The following ZBED4 variants were observed in gnomAD, a reference collection of about 807,000 sequenced individuals.
ZBED4 encodes the protein zinc finger BED-type containing 4, also known as zinc finger BED domain-containing protein 4.
Under a neutral mutation model 15.5 loss-of-function variants are expected in ZBED4, and 4 were observed. That is an observed-to-expected ratio of 0.26 (90% CI 0.13 to 0.59). The LOEUF (loss-of-function observed/expected upper bound fraction) is 0.59. ZBED4 is among the 20% of genes least tolerant of loss of function. ZBED4 has a pLI of 0.90. For synonymous variants in ZBED4, 692 were observed against 608.5 expected (o/e 1.14, Z -2.02); for missense variants, 1,323 against 1,461.8 (o/e 0.91, Z 1.55).
In ZBED4 at chr22:49,886,291, T is replaced by C. The variant is rs750817714; in HGVS notation, c.2629T>C (p.Tyr877His). 1.4e-5 allele frequency: 21 copies of C among 1,466,912 alleles called. No individual in the cohort carries two copies. The highest frequency in any genetic ancestry group is 2.0e-5 in the Non-Finnish European group (21 of 1,065,120). The allele number at this position is 1,466,912 out of a possible 1,614,324, so 90.9% of individuals were successfully genotyped here. Residue 877 changes from tyrosine (Y) to histidine (H), a missense_variant, in exon 2 of 2, where the codon TAC becomes CAC. By Grantham distance (83) the Tyr-to-His change is moderately conservative. Around this residue, in one of 6 missense-constraint regions of ZBED4, gnomAD observed 312 missense variants for 410.7 expected, o/e 0.76. Coordinates refer to ENST00000216268, the MANE Select transcript of ZBED4 (RefSeq NM_014838.3). This position sits in a 1 kb window ranked among gnomAD's most constrained non-coding sequence, Gnocchi z 7.7. ...KEKLAELQREYALPQHHLIQD... is the reference protein window; with the variant it reads ...KEKLAELQREHALPQHHLIQD... ...GAAACTGGCCGAGCTGCAGAGGGAG[T>C]ACGCGCTGCCTCAGCATCACCTCAT...
intron 1 of ZBED4, among the ~76,000 whole-genome samples, chr22:49,879,982 C>G (rs1432802195): frequency 6.6e-6 from 1 of 150,902 alleles, no homozygotes; most frequent in African/African-American, 2.4e-5. Context: ...GGTTTTCTCC[C>G]GCTTCATCGC....
Position 49,885,179 on chromosome 22 carries a change from C to T in ZBED4, c.1517C>T (p.Pro506Leu). ...CLMRHLYRRH[P>L]EVVGSQKGFL... Reference sequence around the variant, plus strand: ...ATGAGACATCTCTACCGGCGCCATCCAGAAGTTGTCGGGAGCCAGAAGGGC... The same window carrying T: ...ATGAGACATCTCTACCGGCGCCATCTAGAAGTTGTCGGGAGCCAGAAGGGC... The change falls in exon 2 of 2, where the codon CCA becomes CTA. Residue 506 changes from proline to leucine, a missense_variant. Coordinates refer to ENST00000216268, the MANE Select transcript of ZBED4 (RefSeq NM_014838.3). 1.2e-6 allele frequency: 2 copies of T among 1,613,612 alleles called. No individual in the cohort carries two copies. Among genetic ancestry groups the T allele is most frequent in the South Asian group, 2.2e-5 (2 of 91,040 alleles).
rs1405824432 is a variant in ZBED4 at position 49,884,863 on chromosome 22, T to C, written c.1201T>C (p.Leu401=). Reference sequence around the variant, plus strand: ...GCTGACTGAGGACTTGCAGTCTCACTTGAACCCTGGAGATGGGCTGATGGA... The same window carrying C: ...GCTGACTGAGGACTTGCAGTCTCACCTGAACCCTGGAGATGGGCTGATGGA... ...DRLTEDLQSH[L]NPGDGLMEDV... The change falls in exon 2 of 2, where the codon TTG becomes CTG. Residue 401 remains leucine, a synonymous_variant. Transcript: ENST00000216268. 1.9e-6 allele frequency: 3 copies of C among 1,608,992 alleles called. No individual in the cohort carries two copies. The highest frequency in any genetic ancestry group is 2.2e-5 in the South Asian group (2 of 90,836).
At chr22:49,874,672 C>T (rs75760531) in intron 1 of ZBED4, among the ~76,000 whole-genome samples, 8 of 37,310 alleles carry the variant, frequency 2.1e-4, no homozygotes, top group African/African-American at 5.5e-4. Context: ...CATGCCCAGC[C>T]TTTTTTTTTT....
intron 1 of ZBED4, among the ~76,000 whole-genome samples, chr22:49,873,784 G>T (rs1412629926): frequency 6.6e-6 from 1 of 152,204 alleles, no homozygotes; most frequent in Admixed American, 6.5e-5. Context: ...CCTAGAATGA[G>T]ATGTCTGTTT....
In ZBED4 at chr22:49,871,763, T is replaced by TA. The variant is rs1258641552; in HGVS notation, c.-329-11571_-329-11570insA. Among the ~76,000 whole-genome samples, 1,345 of 141,382 alleles carry TA rather than the reference T, an allele frequency of 9.5e-3. 18 individuals are homozygous for TA. The highest frequency in any genetic ancestry group is 0.07 in the South Asian group (324 of 4,612). 92.8% of individuals were successfully genotyped at this position (141,382 alleles called of 152,430 possible). On this transcript the variant is annotated intron_variant, in intron 1 of 1. Transcript: ENST00000216268. ...ACAATTTATTTATTTATTTATTTTT[T>TA]TTTTTTTTTGAGACAGAGTCTTACT...
Position 49,884,345 on chromosome 22 carries a change from C to G in ZBED4, c.683C>G (p.Ser228Cys). The G allele has an allele frequency of 6.2e-7, 1 of 1,613,438 alleles. No individual in the cohort carries two copies. Among genetic ancestry groups the G allele is most frequent in the African/African-American group, 1.3e-5 (1 of 75,028 alleles). Residue 228 changes from serine (S) to cysteine (C), a missense_variant, in exon 2 of 2, where the codon TCT becomes TGT. Coordinates refer to ENST00000216268, the MANE Select transcript of ZBED4 (RefSeq NM_014838.3). ...GATCGAATAACAGAGGAGTCTGTGT[C>G]TGTAGTTTCTTCTGAAGAAATCTCC... The part of the protein sequence containing the change: ...SPDRITEESV[S>C]VVSSEEISSD...
intron 1 of ZBED4, among the ~76,000 whole-genome samples, chr22:49,858,076 A>G (rs897368939): frequency 2.0e-5 from 3 of 151,656 alleles, no homozygotes; most frequent in Non-Finnish European, 4.4e-5. Context: ...CAGTTTTTGT[A>G]TTTTTAGTAG....
Position 49,885,272 on chromosome 22 carries a change from A to C in ZBED4, c.1610A>C (p.Lys537Thr), listed in dbSNP as rs530191361. ...TLASAESSSS[K>T]LTDLPTVVTK... ...GCCTCTGCAGAAAGTTCCTCTTCCA[A>C]ATTGACTGACTTGCCAACAGTGGTC... The change falls in exon 2 of 2, where the codon AAA becomes ACA. Residue 537 changes from lysine (K) to threonine (T), a missense_variant. By Grantham distance (78) the Lys-to-Thr change is moderately conservative (BLOSUM62 -1). Around this residue, in one of 6 missense-constraint regions of ZBED4, gnomAD observed 429 missense variants for 397.9 expected, o/e 1.08. Transcript: ENST00000216268. The C allele has an allele frequency of 6.3e-7, 1 of 1,596,814 alleles. No homozygotes were observed. The highest frequency in any genetic ancestry group is 8.6e-7 in the Non-Finnish European group (1 of 1,169,174).
At chr22:49,874,658 C>G (rs1372844113) in intron 1 of ZBED4, among the ~76,000 whole-genome samples, 2 of 142,200 alleles carry the variant, frequency 1.4e-5, no homozygotes, top group African/African-American at 5.1e-5. Flanking sequence ...CAGGCGTGAA[C>G]CACCATGCCC....
At chr22:49,854,285 G>C (rs2060265452) in intron 1 of ZBED4, among the ~76,000 whole-genome samples, 1 of 150,786 alleles carries the variant, frequency 6.6e-6, no homozygotes, top group Non-Finnish European at 1.5e-5. Context: ...GCTTCCGGGC[G>C]GACGGGACGG....
chr22:49,882,820 C>T lies in ZBED4; in HGVS notation c.-329-514C>T, dbSNP rs80303309. 7.3e-3 allele frequency among the ~76,000 whole-genome samples: 1,119 copies of T among 152,318 alleles called. 18 individuals are homozygous for T. The highest frequency in any genetic ancestry group is 0.025 in the African/African-American group (1,019 of 41,578). On this transcript the variant is annotated intron_variant, in intron 1 of 1. Coordinates refer to ENST00000216268, the MANE Select transcript of ZBED4 (RefSeq NM_014838.3). ...CTGGAAGCGGTTTTCACCCACAGGA[C>T]GCCTTTCCCTTCTCAGATGCAGGAG...
chr22:49,885,382 T>A lies in ZBED4; in HGVS notation c.1720T>A (p.Ser574Thr). The A allele has an allele frequency of 6.3e-7, 1 of 1,593,888 alleles. No individual in the cohort carries two copies. Among genetic ancestry groups the A allele is most frequent in the Non-Finnish European group, 8.6e-7 (1 of 1,166,238 alleles). ...WNHFSICSAD[S>T]TKVVCLHCGR... ...TCATTTTTCTATTTGCTCCGCAGAC[T>A]CCACAAAAGTCGTGTGCTTGCACTG... Residue 574 changes from serine to threonine, a missense_variant, in exon 2 of 2, where the codon TCC becomes ACC. This residue lies in a region of ZBED4 where 429 missense variants were observed against 397.9 expected (regional missense o/e 1.08). Transcript: ENST00000216268.
At chr22:49,858,051 G>C (rs1354681227) in intron 1 of ZBED4, among the ~76,000 whole-genome samples, 2 of 152,128 alleles carry the variant, frequency 1.3e-5, no homozygotes, top group Non-Finnish European at 2.9e-5. Context: ...ACAGGCGTGA[G>C]CCACCGCGCC....
At chr22:49,875,038 G>T (rs910321908) in intron 1 of ZBED4, among the ~76,000 whole-genome samples, 2 of 152,010 alleles carry the variant, frequency 1.3e-5, no homozygotes, top group African/African-American at 2.4e-5. Flanking sequence ...GAATCATGAC[G>T]TATTATCTTT....
At chr22:49,861,754 T>A (rs1352200507) in intron 1 of ZBED4, among the ~76,000 whole-genome samples, 1 of 152,224 alleles carries the variant, frequency 6.6e-6, no homozygotes, top group Admixed American at 6.5e-5. Flanking sequence ...GTCTGGTTTT[T>A]CTGCTCAGCA....
At chr22:49,857,186 G>A (rs2060278313) in intron 1 of ZBED4, among the ~76,000 whole-genome samples, 2 of 152,296 alleles carry the variant, frequency 1.3e-5, no homozygotes, top group Admixed American at 6.5e-5. Flanking sequence ...TGTGCATTTC[G>A]GAGAGCTCTG....
In ZBED4 at chr22:49,889,944, C is replaced by G. The variant is rs929765604; in HGVS notation, c.*2766C>G. On this transcript the variant is annotated 3_prime_UTR_variant, in exon 2 of 2. Transcript: ENST00000216268. ...CAGGTCTGTCTCAGATAATAAAAAG[C>G]TCTTTGTATGAGCCTCAGAACTGTC... is the stretch of plus-strand genomic sequence containing the variant. 3 of 167,058 alleles carry G rather than the reference C, an allele frequency of 1.8e-5. No homozygotes were observed. The highest frequency in any genetic ancestry group is 7.2e-5 in the African/African-American group (3 of 41,428). 10.3% of individuals were successfully genotyped at this position (167,058 alleles called of 1,614,324 possible). A position where few individuals can be genotyped will look rare whatever the true frequency, so the allele number is the denominator to read the frequency against.
chr22:49,853,541 C>A (rs1868434871), upstream of ZBED4, among the ~76,000 whole-genome samples: 1 of 152,314 alleles, frequency 6.6e-6, no homozygotes, highest in Admixed American at 6.5e-5. Context: ...AACCAAGGCG[C>A]CCGCGCCCCG....
Sources: gnomAD v4.1 joint callset for allele counts (sites outside exome capture counted in the v4.1 genomes callset) on GRCh38, gnomAD v4.1.1 for gene constraint, gnomAD v4.1.1 regional missense constraint, Gnocchi (gnomAD v3.1) non-coding constraint, MANE v1.5 for transcripts, NCBI Gene and HGNC (gene_info 2026-07-23, HGNC 2026-07-21) for gene names.